The following PCDHGB4 variants were observed in gnomAD, a reference collection of about 807,000 sequenced individuals.
PCDHGB4 encodes the protein protocadherin gamma-B4.
A neutral mutation model predicts 60.5 loss-of-function variants in PCDHGB4; 38 were observed. That is an observed-to-expected ratio of 0.63 (90% CI 0.48 to 0.82). The LOEUF is 0.82. PCDHGB4 is among the 40% of genes least tolerant of loss of function. The probability of loss-of-function intolerance (pLI) is 0.00; values close to 1 mark genes in which losing one functional copy is unlikely to be tolerated. For synonymous variants in PCDHGB4, 456 were observed against 509.7 expected (o/e 0.89, Z 1.42); for missense variants, 1,109 against 1,209.6 (o/e 0.92, Z 1.23).
intron 1 of PCDHGB4, chr5:141,394,850 G>A (rs778925348): frequency 1.1e-5 from 17 of 1,613,702 alleles, no homozygotes; most frequent in Non-Finnish European, 1.4e-5. Context: ...GCAGTCTGAA[G>A]CCTTCGGTCG....
Position 141,431,520 on chromosome 5 carries a change from A to T in PCDHGB4, c.2397+41239A>T. ...GAGTACCGCGCGAGCGTTCCGGAGA[A>T]TCTGGCCTTGGGCACGCAGCTGCTT... On this transcript the variant is annotated intron_variant, in intron 1 of 3. Transcript: ENST00000519479. The surrounding 1 kb of genome is among the most constrained non-coding windows in gnomAD (Gnocchi z 4.8). 6.2e-7 allele frequency: 1 copy of T among 1,614,068 alleles called. No homozygotes were observed. Among genetic ancestry groups the T allele is most frequent in the Non-Finnish European group, 8.5e-7 (1 of 1,180,020 alleles).
At chr5:141,428,358 G>A in intron 1 of PCDHGB4, 2 of 565,492 alleles carry the variant, frequency 3.5e-6, no homozygotes, top group South Asian at 1.9e-5. Context: ...TGATTTTGGC[G>A]GTCGCCTTGC....
intron 1 of PCDHGB4, chr5:141,430,740 A>C (rs1485485180): frequency 5.3e-6 from 8 of 1,497,664 alleles, no homozygotes; most frequent in Non-Finnish European, 7.1e-6. Context: ...AATTGAAAAT[A>C]ATTCTGGAGG....
intron 2 of PCDHGB4, among the ~76,000 whole-genome samples, chr5:141,495,912 CTT>C (rs1210428397): frequency 6.6e-6 from 1 of 152,140 alleles, no homozygotes; most frequent in Admixed American, 6.6e-5. Flanking sequence ...CTCTGTATAT[CTT>C]TCTTTGTCTC....
chr5:141,498,814 T>G (rs2099785952), intron 2 of PCDHGB4, among the ~76,000 whole-genome samples: 1 of 151,956 alleles, frequency 6.6e-6, no homozygotes. Flanking sequence ...ACACCTGTAG[T>G]CCCAGCTACT....
intron 1 of PCDHGB4, chr5:141,423,443 C>A: frequency 6.2e-7 from 1 of 1,613,998 alleles, no homozygotes; most frequent in Non-Finnish European, 8.5e-7. Flanking sequence ...ATGCCCACGT[C>A]ACATTTTGTA....
intron 2 of PCDHGB4, among the ~76,000 whole-genome samples, chr5:141,502,705 T>C (rs1475675789): frequency 6.6e-6 from 1 of 152,248 alleles, no homozygotes; most frequent in African/African-American, 2.4e-5. Context: ...TATCTGTTTT[T>C]ACATCAGTGA....
chr5:141,394,229 T>C, intron 1 of PCDHGB4: 1 of 1,613,872 alleles, frequency 6.2e-7, no homozygotes, highest in Non-Finnish European at 8.5e-7. Flanking sequence ...CCTCCATCTT[T>C]TCCTTGACTG....
At chr5:141,506,805 G>A (rs1314432893) in intron 3 of PCDHGB4, among the ~76,000 whole-genome samples, 1 of 152,172 alleles carries the variant, frequency 6.6e-6, no homozygotes, top group African/African-American at 2.4e-5. Flanking sequence ...GAGGATCAAG[G>A]CATTGCCCTA....
At chr5:141,414,137 T>C in intron 1 of PCDHGB4, 1 of 1,595,618 alleles carries the variant, frequency 6.3e-7, no homozygotes, top group South Asian at 1.1e-5. Context: ...TTCTATGAAA[T>C]AGAAATACAA....
intron 1 of PCDHGB4, among the ~76,000 whole-genome samples, chr5:141,397,411 T>G (rs1464488353): frequency 6.6e-6 from 1 of 152,210 alleles, no homozygotes; most frequent in East Asian, 1.9e-4. Context: ...AAAATAGTTT[T>G]AAATAGTATA....
intron 1 of PCDHGB4, chr5:141,419,837 C>G (rs778271441): frequency 1.2e-6 from 2 of 1,614,090 alleles, no homozygotes; most frequent in South Asian, 2.2e-5. Context: ...CACTGCCACG[C>G]TGCACCTGGT....
intron 2 of PCDHGB4, among the ~76,000 whole-genome samples, chr5:141,499,829 G>A (rs1322405697): frequency 6.6e-6 from 1 of 151,548 alleles, no homozygotes; most frequent in African/African-American, 2.4e-5. Context: ...TAGGATTACA[G>A]GTGTGCACCA....
Position 141,476,752 on chromosome 5 carries a change from A to T in PCDHGB4, c.2398-18055A>T, listed in dbSNP as rs771355583. On this transcript the variant is annotated intron_variant, in intron 1 of 3. Coordinates refer to ENST00000519479, the MANE Select transcript of PCDHGB4 (RefSeq NM_003736.4). This position sits in a 1 kb window ranked among gnomAD's most constrained non-coding sequence, Gnocchi z 7.6. ...GAGAACGGGAGCCTAGTCTCCAGTTAGTGCTGACGGCGTTGGACGGAGGGA... is the reference window on the plus strand; with the variant it reads ...GAGAACGGGAGCCTAGTCTCCAGTTTGTGCTGACGGCGTTGGACGGAGGGA... 1.2e-6 allele frequency: 2 copies of T among 1,613,926 alleles called. No individual in the cohort carries two copies. Among genetic ancestry groups the T allele is most frequent in the South Asian group, 2.2e-5 (2 of 91,080 alleles).
chr5:141,478,623 GT>G (rs1337268572), intron 1 of PCDHGB4: 14 of 1,554,358 alleles, frequency 9.0e-6, no homozygotes, highest in African/African-American at 1.4e-5. Context: ...GAATGGAGCT[GT>G]TTTTTTAGTG....
At chr5:141,423,193 T>A in intron 1 of PCDHGB4, 2 of 1,613,564 alleles carry the variant, frequency 1.2e-6, no homozygotes, top group Non-Finnish European at 1.7e-6. Context: ...GCCCCCTCTC[T>A]CGGCCACCGT....
rs202006594 is a variant in PCDHGB4 at position 141,477,618 on chromosome 5, C to G, written c.2398-17189C>G. On this transcript the variant is annotated intron_variant, in intron 1 of 3. Coordinates refer to ENST00000519479, the MANE Select transcript of PCDHGB4 (RefSeq NM_003736.4). The surrounding 1 kb of genome is among the most constrained non-coding windows in gnomAD (Gnocchi z 4.9). ...TCTTTCTTTCTCTTGGAGCAAGGAGCTGAAACCGGGCTAGTGGGTCGCTAT... is the reference window on the plus strand; with the variant it reads ...TCTTTCTTTCTCTTGGAGCAAGGAGGTGAAACCGGGCTAGTGGGTCGCTAT... 6.2e-7 allele frequency: 1 copy of G among 1,614,176 alleles called. No individual in the cohort carries two copies. Among genetic ancestry groups the G allele is most frequent in the East Asian group, 2.2e-5 (1 of 44,890 alleles).
chr5:141,446,622 G>A (rs1338969669), intron 1 of PCDHGB4, among the ~76,000 whole-genome samples: 13 of 152,044 alleles, frequency 8.6e-5, no homozygotes, highest in East Asian at 1.9e-4. Flanking sequence ...GACTACAGGC[G>A]TGCACCACCA....
chr5:141,428,148 G>A (rs774961575), intron 1 of PCDHGB4: 6 of 1,588,024 alleles, frequency 3.8e-6, no homozygotes, highest in East Asian at 4.5e-5. Flanking sequence ...GCTGCACACG[G>A]GAACCTGCTG....
Sources: gnomAD v4.1 joint callset for allele counts (sites outside exome capture counted in the v4.1 genomes callset) on GRCh38, gnomAD v4.1.1 for gene constraint, Gnocchi (gnomAD v3.1) non-coding constraint, MANE v1.5 for transcripts, NCBI Gene and HGNC (gene_info 2026-07-23, HGNC 2026-07-21) for gene names.